N4BP1: variants seen among roughly 807,000 people sequenced by gnomAD.
The protein encoded by N4BP1 is NEDD4-binding protein 1.
Under a neutral mutation model 70.9 loss-of-function variants are expected in N4BP1, and 21 were observed. The observed-to-expected ratio is 0.30, with a 90% CI of 0.21 to 0.43. N4BP1 has a LOEUF of 0.43. Ranked by LOEUF, N4BP1 falls within the 20% of genes least tolerant of loss-of-function variation. The pLI is 1.00. For missense variants in N4BP1, 936 were observed against 1,069.4 expected (o/e 0.88, Z 1.74); for synonymous variants, 387 against 394.6 (o/e 0.98, Z 0.23).
At chr16:48,590,382 C>G (rs1964317333) in intron 1 of N4BP1, among the ~76,000 whole-genome samples, 1 of 152,200 alleles carries the variant, frequency 6.6e-6, no homozygotes, top group African/African-American at 2.4e-5. Context: ...ACTCTAGTCT[C>G]CCACACAGCC....
chr16:48,553,259 G>T (rs1014797843), intron 3 of N4BP1, among the ~76,000 whole-genome samples: 23 of 152,144 alleles, frequency 1.5e-4, no homozygotes, highest in Non-Finnish European at 3.4e-4. Flanking sequence ...CTAATAAAAA[G>T]ACATTTTTTA....
chr16:48,583,872 C>T (rs1262341331), intron 1 of N4BP1, among the ~76,000 whole-genome samples: 1 of 152,180 alleles, frequency 6.6e-6, no homozygotes, highest in Non-Finnish European at 1.5e-5. Flanking sequence ...AACTGAGTGT[C>T]CCCAGAAGGG....
intron 1 of N4BP1, among the ~76,000 whole-genome samples, chr16:48,566,203 C>A (rs918840158): frequency 6.6e-6 from 1 of 151,770 alleles, no homozygotes; most frequent in African/African-American, 2.4e-5. Flanking sequence ...CAAGACTTTT[C>A]TTTTCTTTCT....
intron 1 of N4BP1, among the ~76,000 whole-genome samples, chr16:48,609,286 T>G (rs972311419): frequency 6.6e-6 from 1 of 152,140 alleles, no homozygotes; most frequent in African/African-American, 2.4e-5. Flanking sequence ...TTACTATTAA[T>G]AGTTTTTTTC....
intron 1 of N4BP1, among the ~76,000 whole-genome samples, chr16:48,574,242 T>C (rs1360057051): frequency 2.0e-5 from 3 of 152,226 alleles, no homozygotes; most frequent in Non-Finnish European, 2.9e-5. Context: ...TCCCACCTTC[T>C]ACTTTTAATA....
intron 2 of N4BP1, among the ~76,000 whole-genome samples, chr16:48,554,819 C>A (rs1963727420): frequency 6.6e-6 from 1 of 152,224 alleles, no homozygotes; most frequent in African/African-American, 2.4e-5. Flanking sequence ...ACCTACCCTG[C>A]AAATTCCAGT....
chr16:48,595,834 T>C (rs1339863025), intron 1 of N4BP1, among the ~76,000 whole-genome samples: 1 of 152,198 alleles, frequency 6.6e-6, no homozygotes, highest in African/African-American at 2.4e-5. Context: ...TGACCTGTGG[T>C]AAGTAAAGAA....
At chr16:48,599,723 C>A (rs1964469189) in intron 1 of N4BP1, among the ~76,000 whole-genome samples, 1 of 152,206 alleles carries the variant, frequency 6.6e-6, no homozygotes, top group Non-Finnish European at 1.5e-5. Flanking sequence ...CATTTCATAG[C>A]TTGCTTTACT....
intron 1 of N4BP1, among the ~76,000 whole-genome samples, chr16:48,590,962 T>C (rs1025865078): frequency 2.0e-5 from 3 of 152,164 alleles, no homozygotes; most frequent in Admixed American, 6.5e-5. Flanking sequence ...AATAGGAGGA[T>C]AGTTTGGAAG....
intron 6 of N4BP1, among the ~76,000 whole-genome samples, chr16:48,545,871 CA>C (rs1963583722): frequency 6.6e-6 from 1 of 151,474 alleles, no homozygotes; most frequent in East Asian, 1.9e-4. Context: ...ACTAAAAATA[CA>C]AAAAAAGAGC....
chr16:48,562,582 G>A (rs1224462551), intron 1 of N4BP1, 138 bp from the exon 2 acceptor site: 1 of 742,660 alleles, frequency 1.3e-6, no homozygotes, highest in African/African-American at 1.8e-5. Flanking sequence ...AAAATGTCAT[G>A]TTTTAAATAA....
chr16:48,566,344 C>A (rs1597098711), intron 1 of N4BP1, among the ~76,000 whole-genome samples: 1 of 152,280 alleles, frequency 6.6e-6, no homozygotes, highest in South Asian at 2.1e-4. Context: ...TGGGCCCAGC[C>A]TCTTCTTTTC....
intron 1 of N4BP1, 118 bp downstream of exon 1, chr16:48,609,657 G>A (rs1368640119): frequency 4.4e-6 from 4 of 910,606 alleles, no homozygotes; most frequent in African/African-American, 3.5e-5. Flanking sequence ...GCTGGCTCCC[G>A]AGACTGCGTT....
intron 3 of N4BP1, among the ~76,000 whole-genome samples, chr16:48,552,725 A>G (rs1963693037): frequency 7.0e-6 from 1 of 142,580 alleles, no homozygotes; most frequent in South Asian, 2.1e-4. Context: ...AAAAAAAAAA[A>G]AAAAAAAAAA....
chr16:48,553,813 T>C, intron 2 of N4BP1, 144 bp from the exon 3 acceptor site: 1 of 695,054 alleles, frequency 1.4e-6, no homozygotes, highest in Non-Finnish European at 2.2e-6. Context: ...TGGCATTTAG[T>C]TGCACAAAGT....
At chr16:48,546,313 T>G in intron 5 of N4BP1, 59 bp from the exon 6 acceptor site, 1 of 1,250,872 alleles carries the variant, frequency 8.0e-7, no homozygotes, top group Non-Finnish European at 1.1e-6. Flanking sequence ...AGGGCCTGCG[T>G]AAGGATCCCA....
intron 1 of N4BP1, among the ~76,000 whole-genome samples, chr16:48,593,165 C>A (rs1964360819): frequency 6.6e-6 from 1 of 152,234 alleles, no homozygotes; most frequent in South Asian, 2.1e-4. Context: ...TCAGCCAAGT[C>A]CCCTGGCTAT....
chr16:48,575,158 C>A lies in N4BP1; in HGVS notation c.199-12714G>T, dbSNP rs911987308. ...AGTAGCAACAACGGATTATTATATT[C>A]GAGTTCAGAAGTGAACAATAAAGTA... On this transcript the variant is annotated intron_variant, in intron 1 of 6. Coordinates refer to ENST00000262384, the MANE Select transcript of N4BP1 (RefSeq NM_153029.4). 5.9e-5 allele frequency among the ~76,000 whole-genome samples: 9 copies of A among 152,114 alleles called. No homozygotes were observed. In the South Asian group the frequency reaches 1.0e-3, roughly 18 times the overall value.
At chr16:48,548,228 C>T (rs1028279094) in intron 4 of N4BP1, 114 bp from the exon 5 acceptor site, 4 of 683,100 alleles carry the variant, frequency 5.9e-6, no homozygotes, top group African/African-American at 3.6e-5. Context: ...AGAATTTAAC[C>T]AAGGCTAGGC....
Sources: gnomAD v4.1 joint callset for allele counts (sites outside exome capture counted in the v4.1 genomes callset) on GRCh38, gnomAD v4.1.1 for gene constraint, MANE v1.5 for transcripts, NCBI Gene and HGNC (gene_info 2026-07-23, HGNC 2026-07-21) for gene names.